Variants in IL6R observed in about 807,000 individuals in gnomAD.
The protein encoded by IL6R is interleukin-6 receptor subunit alpha.
Under a neutral mutation model 48.3 loss-of-function variants are expected in IL6R, and 38 were observed. The ratio of observed to expected loss-of-function variants is 0.79; its 90% CI spans 0.61 to 1.03. The LOEUF is 1.03. Among genes scored for constraint, IL6R ranks in the 50% least tolerant of loss-of-function variants. The pLI, the probability that IL6R is intolerant of heterozygous loss-of-function variation, is 0.00. For missense variants in IL6R, 534 were observed against 618.3 expected, an observed-to-expected ratio of 0.86 and a Z score of 1.45; for synonymous variants, 264 against 256.2, an observed-to-expected ratio of 1.03 and a Z score of -0.29.
chr1:154,428,085 T>C (rs1483978079), intron 1 of IL6R, among the ~76,000 whole-genome samples: 2 of 152,348 alleles, frequency 1.3e-5, no homozygotes, highest in East Asian at 1.9e-4. Context: ...TTTCCTTAGC[T>C]GGTTGGACTA....
intron 6 of IL6R, chr1:154,445,181 T>G (rs1441374164): frequency 2.2e-6 from 1 of 450,538 alleles, no homozygotes; most frequent in Non-Finnish European, 4.5e-6. Flanking sequence ...AGCTGTCTGT[T>G]GGGTGGTTTA....
In IL6R at chr1:154,465,478, G is replaced by C; in HGVS notation, c.*98G>C. The C allele has an allele frequency of 7.0e-7, 1 of 1,418,568 alleles. No homozygotes were observed. The highest frequency in any genetic ancestry group is 1.2e-5 in the South Asian group (1 of 81,788). The allele number at this position is 1,418,568 out of a possible 1,614,324, so 87.9% of individuals were successfully genotyped here. On this transcript the variant is annotated 3_prime_UTR_variant, in exon 10 of 10. Coordinates refer to ENST00000368485, the MANE Select transcript of IL6R (RefSeq NM_000565.4). ...TCACTGCCATGCCAGCTTATCTCAGGGGTGTGCGGCCTTTGGCTTCACGGA... is the reference window on the plus strand; with the variant it reads ...TCACTGCCATGCCAGCTTATCTCAGCGGTGTGCGGCCTTTGGCTTCACGGA...
chr1:154,461,300 C>T (rs1310877160), intron 9 of IL6R, among the ~76,000 whole-genome samples: 2 of 152,176 alleles, frequency 1.3e-5, no homozygotes, highest in Non-Finnish European at 2.9e-5. Flanking sequence ...TGGATGACTG[C>T]GGGCAGGCCT....
chr1:154,426,110 T>G (rs867621027), intron 1 of IL6R, among the ~76,000 whole-genome samples: 1 of 109,924 alleles, frequency 9.1e-6, no homozygotes, highest in Non-Finnish European at 1.9e-5. Flanking sequence ...CACACACACA[T>G]ATACACACAA....
chr1:154,431,707 T>C (rs1177442073), intron 3 of IL6R, among the ~76,000 whole-genome samples: 3 of 152,160 alleles, frequency 2.0e-5, no homozygotes, highest in Admixed American at 6.6e-5. Flanking sequence ...GTTAGGCTAC[T>C]AGGGCTTTCT....
rs1691592159 is a variant in IL6R, at chr1:154,467,212, G to C, written c.*1832G>C. ...TCCTTGAGTTGATTCAGCTCTGCAA[G>C]AATTGAAGCAGGACTAAATGTCTAG... is the stretch of plus-strand genomic sequence containing the variant. On this transcript the variant is annotated 3_prime_UTR_variant, in exon 10 of 10. Coordinates refer to ENST00000368485, the MANE Select transcript of IL6R (RefSeq NM_000565.4). 6.6e-6 allele frequency: 1 copy of C among 152,226 alleles called. No homozygotes were observed. Among genetic ancestry groups the C allele is most frequent in the African/African-American group, 2.4e-5 (1 of 41,462 alleles). The allele number at this position is 152,226 out of a possible 1,614,324, so 9.4% of individuals were successfully genotyped here. A position where few individuals can be genotyped will look rare whatever the true frequency, so the allele number is the denominator to read the frequency against.
At chr1:154,430,843 A>G (rs1689257830) in intron 3 of IL6R, among the ~76,000 whole-genome samples, 1 of 152,172 alleles carries the variant, frequency 6.6e-6, no homozygotes, top group African/African-American at 2.4e-5. Flanking sequence ...CACAACAGCT[A>G]TGGGAAGTGG....
chr1:154,416,367 G>A (rs372122576), intron 1 of IL6R, among the ~76,000 whole-genome samples: 1 of 150,614 alleles, frequency 6.6e-6, no homozygotes, highest in Non-Finnish European at 1.5e-5. Flanking sequence ...CTGGTCTTGA[G>A]CTCCTGGTCT....
chr1:154,451,661 C>T (rs1690588405), intron 8 of IL6R, among the ~76,000 whole-genome samples: 2 of 151,860 alleles, frequency 1.3e-5, no homozygotes, highest in African/African-American at 4.8e-5. Flanking sequence ...CTCAGCCTCC[C>T]GAGTAGCTGA....
rs1269629623 is a variant in IL6R at position 154,435,163 on chromosome 1, T to A, written c.807+7T>A. ...GACATTCACAACATGGATGGTAAAT[T>A]TATGTTTTACTTCTGGTCAGAGAGG... On this transcript the variant is annotated splice_region_variant and intron_variant, in intron 5 of 9. Transcript: ENST00000368485. The A allele has an allele frequency of 5.6e-6, 9 of 1,613,312 alleles. No homozygotes were observed. Among genetic ancestry groups the A allele is most frequent in the Non-Finnish European group, 7.6e-6 (9 of 1,179,394 alleles).
chr1:154,436,134 G>C (rs1689618593), intron 6 of IL6R, 24 bp downstream of exon 6: 1 of 1,575,238 alleles, frequency 6.3e-7, no homozygotes, highest in Non-Finnish European at 8.7e-7. Flanking sequence ...CACTGAGAAA[G>C]GAAGGGATGT....
chr1:154,415,195 C>T (rs908416628), intron 1 of IL6R: 31 of 689,882 alleles, frequency 4.5e-5, no homozygotes, highest in Middle Eastern at 3.4e-4. Flanking sequence ...CTCAAGGCGC[C>T]GGCTGCACTG....
intron 6 of IL6R, chr1:154,437,552 C>G (rs930489458): frequency 9.7e-6 from 4 of 413,272 alleles, no homozygotes; most frequent in Middle Eastern, 3.6e-4. Flanking sequence ...TAGCTGGGAC[C>G]ACAGGCGTGT....
Position 154,430,504 on chromosome 1 carries a change from T to C in IL6R, c.356T>C (p.Leu119Pro). 6.2e-7 allele frequency: 1 copy of C among 1,613,864 alleles called. No homozygotes were observed. Among genetic ancestry groups the C allele is most frequent in the South Asian group, 1.1e-5 (1 of 91,054 alleles). ...LVDVPPEEPQ[L>P]SCFRKSPLSN... ...TCAGTTCCCCCCGAGGAGCCCCAGC[T>C]CTCCTGCTTCCGGAAGAGCCCCCTC... Residue 119 changes from leucine to proline, a missense_variant, in exon 3 of 10, where the codon CTC becomes CCC. Leu to Pro is a moderately conservative substitution (Grantham distance 98, BLOSUM62 -3). Transcript: ENST00000368485.
intron 2 of IL6R, among the ~76,000 whole-genome samples, chr1:154,430,019 C>G (rs1388985353): frequency 2.6e-5 from 4 of 152,168 alleles, no homozygotes; most frequent in Non-Finnish European, 5.9e-5. Context: ...TGCCAAGGCA[C>G]TTTCTTCCTT....
At position 154,435,127 on chromosome 1, in the gene IL6R, G is replaced by C; in HGVS notation, c.778G>C (p.Glu260Gln). 1 of 1,614,130 alleles carries C rather than the reference G, an allele frequency of 6.2e-7. No homozygotes were observed. The change falls in exon 5 of 10, where the codon GAA (glutamate) becomes CAA (glutamine). Residue 260 changes from glutamate to glutamine, a missense_variant. Glu to Gln is a conservative substitution (Grantham distance 29). Coordinates refer to ENST00000368485, the MANE Select transcript of IL6R (RefSeq NM_000565.4). ...RLRFELRYRA[E>Q]RSKTFTTWMV... Reference sequence around the variant, plus strand: ...ACGGTTTGAGCTCAGATATCGGGCTGAACGGTCAAAGACATTCACAACATG... The same window carrying C: ...ACGGTTTGAGCTCAGATATCGGGCTCAACGGTCAAAGACATTCACAACATG...
At chr1:154,463,741 T>C (rs552583271) in intron 9 of IL6R, among the ~76,000 whole-genome samples, 1 of 152,356 alleles carries the variant, frequency 6.6e-6, no homozygotes, top group South Asian at 2.1e-4. Flanking sequence ...CATGTCACCA[T>C]TTCATCTTTC....
intron 6 of IL6R, chr1:154,437,610 C>T: frequency 3.1e-6 from 1 of 317,888 alleles, no homozygotes; most frequent in Admixed American, 3.3e-5. Flanking sequence ...CAGGGTTTCA[C>T]CATGCTGCCC....
chr1:154,416,903 A>G (rs1688389702), intron 1 of IL6R, among the ~76,000 whole-genome samples: 1 of 152,118 alleles, frequency 6.6e-6, no homozygotes, highest in Admixed American at 6.6e-5. Flanking sequence ...TCCTCAGGGG[A>G]GCCCTGAAAT....
Sources: allele counts gnomAD v4.1 joint callset (sites outside exome capture counted in the v4.1 genomes callset), GRCh38; gene constraint gnomAD v4.1.1; transcripts MANE v1.5; gene names NCBI Gene and HGNC (gene_info 2026-07-23, HGNC 2026-07-21).